The following EPB41 variants were observed in gnomAD, a reference collection of about 807,000 sequenced individuals.
EPB41 encodes the protein erythrocyte membrane protein band 4.1, also known as protein 4.1.
Under a neutral mutation model 108.0 loss-of-function variants are expected in EPB41, and 65 were observed. The ratio of observed to expected loss-of-function variants is 0.60; its 90% CI spans 0.49 to 0.74. EPB41 has a LOEUF of 0.74. EPB41 is among the 30% of genes least tolerant of loss of function. The probability of loss-of-function intolerance (pLI) is 0.00; values close to 1 mark genes in which losing one functional copy is unlikely to be tolerated. For synonymous variants in EPB41, 336 were observed against 358.9 expected (o/e 0.94, Z 0.72); for missense variants, 875 against 1,037.0 (o/e 0.84, Z 2.15).
rs1282291918 is a variant in EPB41 at position 29,050,290 on chromosome 1, ACAGTACAGATT to A, written c.1637-2813_1637-2803del. Among the ~76,000 whole-genome samples the A allele has an allele frequency of 9.2e-5, 14 of 152,318 alleles. No individual in the cohort carries two copies. In the East Asian group the frequency reaches 1.2e-3, roughly 13 times the overall value. Reference sequence around the variant, plus strand: ...CACACTAATACCTTCTTTTCCACATACAGTACAGATTGCCAAGGCTAGGAATGCTGAAGACA... The same window carrying A: ...CACACTAATACCTTCTTTTCCACATAGCCAAGGCTAGGAATGCTGAAGACA... On this transcript the variant is annotated intron_variant, in intron 11 of 20. Transcript: ENST00000343067.
intron 4 of EPB41, among the ~76,000 whole-genome samples, chr1:29,009,086 T>C (rs1332418769): frequency 2.0e-5 from 3 of 152,160 alleles, no homozygotes; most frequent in Non-Finnish European, 4.4e-5. Context: ...TTGTTCTCTT[T>C]TTGCCTCCTG....
intron 1 of EPB41, among the ~76,000 whole-genome samples, chr1:28,932,407 G>GC (rs55704589): frequency 1 from 151,506 of 151,508 alleles, 75,752 homozygotes; most frequent in Non-Finnish European, 1. Context: ...ACAGGCATGA[G>GC]CATCATGCCT....
rs1569947173 is a variant in EPB41 at position 28,894,204 on chromosome 1, A to T, written c.-8+6994A>T. Among the ~76,000 whole-genome samples, 6 of 152,320 alleles carry T rather than the reference A, an allele frequency of 3.9e-5. No homozygotes were observed. The South Asian group carries it at 1.2e-3, about 32-fold the overall frequency. ...GTTCTTTTATTCATGTAAGCCCCAC[A>T]AGGGCAGGGATTTTTGTTCATCTGT... On this transcript the variant is annotated intron_variant, in intron 1 of 16. Coordinates refer to the EPB41 transcript ENST00000347529.
At chr1:28,907,461 G>T (rs1449519384) in intron 1 of EPB41, among the ~76,000 whole-genome samples, 2 of 152,014 alleles carry the variant, frequency 1.3e-5, no homozygotes, top group Non-Finnish European at 2.9e-5. Context: ...GCCTCCCAAA[G>T]CGCTGGGATT....
chr1:29,005,604 A>G (rs887190414), intron 4 of EPB41, among the ~76,000 whole-genome samples: 4 of 152,186 alleles, frequency 2.6e-5, no homozygotes, highest in African/African-American at 9.7e-5. Context: ...CTCTTTCCTC[A>G]TGGAGCTCCC....
In EPB41 at chr1:29,109,416, C is replaced by T; in HGVS notation, c.2394C>T (p.Thr798=). Residue 798 remains threonine (T), a synonymous_variant, in exon 18 of 21, where the codon ACC becomes ACT. Coordinates refer to ENST00000343067, the MANE Select transcript of EPB41 (RefSeq NM_001376013.1). ...TCACATCTGAGACCCCAAGCAGCAC[C>T]ACCACAACTCAAATTACCAAGGTAA... The part of the protein sequence containing the change: ...QTITSETPSS[T]TTTQITKTVK... 1 of 1,614,090 alleles carries T rather than the reference C, an allele frequency of 6.2e-7. No individual in the cohort carries two copies. Among genetic ancestry groups the T allele is most frequent in the Admixed American group, 1.7e-5 (1 of 60,002 alleles).
chr1:28,888,924 G>C (rs549996743), intron 1 of EPB41, among the ~76,000 whole-genome samples: 2 of 152,354 alleles, frequency 1.3e-5, no homozygotes, highest in East Asian at 3.9e-4. Flanking sequence ...ACCGCGCCAG[G>C]CCGGGAATTA....
At chr1:28,987,176 G>A (rs185460664) in intron 1 of EPB41, among the ~76,000 whole-genome samples, 5 of 152,194 alleles carry the variant, frequency 3.3e-5, no homozygotes, top group Admixed American at 3.3e-4. Context: ...TCACTAAGGT[G>A]GCCTCCGTGG....
chr1:28,936,958 T>C, intron 1 of EPB41, among the ~76,000 whole-genome samples: 1 of 152,198 alleles, frequency 6.6e-6, no homozygotes, highest in East Asian at 1.9e-4. Context: ...TCATATGTAA[T>C]TCTATGTTTA....
At chr1:28,917,086 C>T (rs569907565) in intron 1 of EPB41, among the ~76,000 whole-genome samples, 18 of 151,874 alleles carry the variant, frequency 1.2e-4, no homozygotes, top group African/African-American at 4.3e-4. Flanking sequence ...CCACCTCACC[C>T]GGCCTCTCCC....
At chr1:28,947,912 A>G (rs957251600) in intron 1 of EPB41, among the ~76,000 whole-genome samples, 1 of 152,204 alleles carries the variant, frequency 6.6e-6, no homozygotes, top group African/African-American at 2.4e-5. Flanking sequence ...CTAACCAGCG[A>G]AATTCTTTCA....
chr1:29,039,290 T>C lies in EPB41; in HGVS notation c.1500T>C (p.Phe500=). The C allele has an allele frequency of 3.1e-6, 5 of 1,614,156 alleles. No homozygotes were observed. Among genetic ancestry groups the C allele is most frequent in the Non-Finnish European group, 4.2e-6 (5 of 1,180,024 alleles). ...CAGACACCATTCCCAAAAGCAAATT[T>C]CTTGCGCTAGGATCCAAATTTCGAT... ...TSTDTIPKSK[F]LALGSKFRYS... The change falls in exon 11 of 21, where the codon TTT becomes TTC. Residue 500 remains phenylalanine (F), a synonymous_variant. Transcript: ENST00000343067.
At chr1:29,040,523 T>C (rs182821401) in intron 11 of EPB41, among the ~76,000 whole-genome samples, 1 of 152,036 alleles carries the variant, frequency 6.6e-6, no homozygotes, top group Non-Finnish European at 1.5e-5. Context: ...TCAGGTTATC[T>C]ACCCACCTCG....
At chr1:29,040,812 C>T (rs1040501057) in intron 11 of EPB41, among the ~76,000 whole-genome samples, 2 of 152,026 alleles carry the variant, frequency 1.3e-5, no homozygotes, top group Admixed American at 1.3e-4. Flanking sequence ...CATTCAGTTC[C>T]TTATGTCACT....
At chr1:28,922,189 C>T (rs1171582239) in intron 1 of EPB41, among the ~76,000 whole-genome samples, 4 of 151,488 alleles carry the variant, frequency 2.6e-5, no homozygotes, top group African/African-American at 9.7e-5. Flanking sequence ...AGACTGGTTT[C>T]GAACTCCTGA....
chr1:28,907,307 T>C (rs542117363), intron 1 of EPB41, among the ~76,000 whole-genome samples: 7 of 152,000 alleles, frequency 4.6e-5, no homozygotes, highest in African/African-American at 1.7e-4. Flanking sequence ...CCTCAGGTGA[T>C]CCACCTGCCT....
intron 1 of EPB41, among the ~76,000 whole-genome samples, chr1:28,983,233 T>C (rs1212279224): frequency 6.6e-6 from 1 of 152,240 alleles, no homozygotes; most frequent in East Asian, 1.9e-4. Flanking sequence ...ACATTTAATG[T>C]GTTGCATCAT....
intron 17 of EPB41, among the ~76,000 whole-genome samples, chr1:29,101,710 C>T (rs965159426): frequency 3.3e-5 from 5 of 151,548 alleles, no homozygotes; most frequent in East Asian, 3.9e-4. Context: ...TGAGAGGTTG[C>T]GTAAAGTTTA....
intron 16 of EPB41, among the ~76,000 whole-genome samples, chr1:29,086,365 C>T (rs968916693): frequency 1.3e-5 from 2 of 151,408 alleles, no homozygotes; most frequent in African/African-American, 4.9e-5. Context: ...CCTCCGTCTC[C>T]CAGGTTTAAG....
Sources: gnomAD v4.1 joint callset for allele counts (sites outside exome capture counted in the v4.1 genomes callset) on GRCh38, gnomAD v4.1.1 for gene constraint, MANE v1.5 for transcripts, NCBI Gene and HGNC (gene_info 2026-07-23, HGNC 2026-07-21) for gene names.